The following CYSTM1 variants were observed in gnomAD, a reference collection of about 807,000 sequenced individuals.
CYSTM1 encodes cysteine-rich transmembrane module-containing protein 1.
CYSTM1 carries 4 observed loss-of-function variants against 13.1 expected under a neutral mutation model. The observed-to-expected ratio is 0.31, with a 90% CI of 0.15 to 0.70. The LOEUF is 0.70. Among genes scored for constraint, CYSTM1 ranks in the 30% least tolerant of loss-of-function variants. The probability of loss-of-function intolerance (pLI) is 0.72; values close to 1 mark genes in which losing one functional copy is unlikely to be tolerated. For missense variants in CYSTM1, 96 were observed against 121.6 expected, an observed-to-expected ratio of 0.79 and a Z score of 0.99; for synonymous variants, 36 against 42.7, an observed-to-expected ratio of 0.84 and a Z score of 0.62.
chr5:140,179,836 A>G (rs1561807279), intron 1 of CYSTM1, among the ~76,000 whole-genome samples: 1 of 151,164 alleles, frequency 6.6e-6, no homozygotes, highest in East Asian at 2.0e-4. Context: ...AATTTTTTGT[A>G]TTTTTTAGTA....
chr5:140,185,426 C>T (rs1764004125), intron 1 of CYSTM1, among the ~76,000 whole-genome samples: 1 of 152,136 alleles, frequency 6.6e-6, no homozygotes, highest in African/African-American at 2.4e-5. Context: ...CTCTGGCAAA[C>T]AAGAGATATT....
intron 2 of CYSTM1, among the ~76,000 whole-genome samples, chr5:140,235,116 G>A (rs906595329): frequency 2.0e-5 from 3 of 151,730 alleles, no homozygotes; most frequent in East Asian, 3.9e-4. Flanking sequence ...ACAGGCGCCC[G>A]CCACCACGCC....
Position 140,175,772 on chromosome 5 carries a change from T to C in CYSTM1, c.-21+487T>C, listed in dbSNP as rs143155474. 6.3e-4 allele frequency among the ~76,000 whole-genome samples: 96 copies of C among 152,156 alleles called. 1 individual carries two copies. The highest frequency in any genetic ancestry group is 3.7e-3 in the Admixed American group (56 of 15,300). On this transcript the variant is annotated intron_variant, in intron 1 of 2. Transcript: ENST00000261811. The surrounding 1 kb of genome is among the most constrained non-coding windows in gnomAD (Gnocchi z 4.9). Reference sequence around the variant, plus strand: ...GTGGGAGCGGAGCGGAAGTAACTAGTGACTGGAAGTAACTAGGGAACGCAA... The same window carrying C: ...GTGGGAGCGGAGCGGAAGTAACTAGCGACTGGAAGTAACTAGGGAACGCAA...
At chr5:140,226,494 TA>T (rs1561816342) in intron 2 of CYSTM1, among the ~76,000 whole-genome samples, 12 of 112,506 alleles carry the variant, frequency 1.1e-4, no homozygotes, top group East Asian at 2.3e-4. Context: ...TATATATATA[TA>T]ATATATATAA....
At chr5:140,223,606 G>A (rs62383941) in intron 2 of CYSTM1, among the ~76,000 whole-genome samples, 1 of 152,242 alleles carries the variant, frequency 6.6e-6, no homozygotes. Flanking sequence ...GAGGACAAAG[G>A]CGGGAGTTTG....
chr5:140,215,145 A>C (rs1334511284), intron 2 of CYSTM1, among the ~76,000 whole-genome samples: 1 of 152,194 alleles, frequency 6.6e-6, no homozygotes, highest in East Asian at 1.9e-4. Context: ...AAAGATTCTC[A>C]TAGATTTTCA....
chr5:140,198,161 C>T (rs1242612718), intron 2 of CYSTM1, among the ~76,000 whole-genome samples: 1 of 152,146 alleles, frequency 6.6e-6, no homozygotes, highest in African/African-American at 2.4e-5. Context: ...TTGGTGTTAG[C>T]TTTATGTAAT....
At chr5:140,227,658 G>T (rs554293107) in intron 2 of CYSTM1, among the ~76,000 whole-genome samples, 1 of 152,220 alleles carries the variant, frequency 6.6e-6, no homozygotes, top group African/African-American at 2.4e-5. Context: ...GGCCACTGGG[G>T]CTAGGAGCCC....
rs1400684153 is a variant in CYSTM1, at chr5:140,239,754, G to A, written c.188-3551G>A. Among the ~76,000 whole-genome samples the A allele has an allele frequency of 1.3e-5, 2 of 152,136 alleles. No homozygotes were observed. The highest frequency in any genetic ancestry group is 2.9e-5 in the Non-Finnish European group (2 of 68,026). ...GCTCTGGGTGCCTGCCCCTCTGCAGGCCCCACATCAGACTGGGGCTGAGAA... is the reference window on the plus strand; with the variant it reads ...GCTCTGGGTGCCTGCCCCTCTGCAGACCCCACATCAGACTGGGGCTGAGAA... On this transcript the variant is annotated intron_variant, in intron 2 of 2. Coordinates refer to ENST00000261811, the MANE Select transcript of CYSTM1 (RefSeq NM_032412.4). This position sits in a 1 kb window ranked among gnomAD's most constrained non-coding sequence, Gnocchi z 5.4.
chr5:140,187,069 T>C (rs573948613), intron 1 of CYSTM1, among the ~76,000 whole-genome samples: 2 of 152,178 alleles, frequency 1.3e-5, no homozygotes, highest in South Asian at 4.1e-4. Flanking sequence ...GAGGTTGTAG[T>C]GAGCCGAGAT....
chr5:140,243,370 ACGGCTCT>A lies in CYSTM1; in HGVS notation c.255_261del (p.Ala86ValfsTer27). ...ATCCACCTGCCTCACAGCCTGCTGG[ACGGCTCT>A]CTGTTGCTGCTGTCTCTGGGACATG... On this transcript the variant is annotated frameshift_variant, in exon 3 of 3. Coordinates refer to ENST00000261811, the MANE Select transcript of CYSTM1 (RefSeq NM_032412.4). LOFTEE classifies it high-confidence loss of function. 6.2e-7 allele frequency: 1 copy of A among 1,614,096 alleles called. No individual in the cohort carries two copies. The highest frequency in any genetic ancestry group is 8.5e-7 in the Non-Finnish European group (1 of 1,179,994).
intron 1 of CYSTM1, among the ~76,000 whole-genome samples, chr5:140,180,886 T>C (rs553861732): frequency 8.5e-5 from 13 of 152,334 alleles, no homozygotes; most frequent in Admixed American, 8.5e-4. Context: ...ATTTACTCAC[T>C]GAAGAGTAAA....
intron 2 of CYSTM1, among the ~76,000 whole-genome samples, chr5:140,217,275 A>G (rs890985276): frequency 2.6e-5 from 4 of 152,082 alleles, no homozygotes; most frequent in South Asian, 2.1e-4. Flanking sequence ...AATGTATATC[A>G]TGGGTAATTT....
At chr5:140,227,773 A>G (rs1561816637) in intron 2 of CYSTM1, among the ~76,000 whole-genome samples, 1 of 151,954 alleles carries the variant, frequency 6.6e-6, no homozygotes, top group Non-Finnish European at 1.5e-5. Context: ...GCTAGGCCCC[A>G]CCCTTCTGCC....
intron 2 of CYSTM1, among the ~76,000 whole-genome samples, chr5:140,210,296 A>C (rs1166792300): frequency 6.6e-6 from 1 of 152,266 alleles, no homozygotes; most frequent in African/African-American, 2.4e-5. Flanking sequence ...TGCTATTGAC[A>C]CTTGGGCCAG....
chr5:140,213,657 T>C (rs562307216), intron 2 of CYSTM1, among the ~76,000 whole-genome samples: 16 of 152,340 alleles, frequency 1.1e-4, no homozygotes, highest in South Asian at 6.2e-4. Context: ...TTATACCACA[T>C]TTTTACTGTA....
At position 140,243,423 on chromosome 5, in the gene CYSTM1, C is replaced by T. The variant is rs1274242606; in HGVS notation, c.*12C>T. ...ACATGCTCACCTGACCAGACCAGCC[C>T]AGCCGTCCTGTCCTGCCAGCTCTGC... is the stretch of plus-strand genomic sequence containing the variant. On this transcript the variant is annotated 3_prime_UTR_variant, in exon 3 of 3. Coordinates refer to ENST00000261811, the MANE Select transcript of CYSTM1 (RefSeq NM_032412.4). The T allele has an allele frequency of 6.2e-7, 1 of 1,612,636 alleles. No homozygotes were observed. The highest frequency in any genetic ancestry group is 8.5e-7 in the Non-Finnish European group (1 of 1,179,350).
intron 2 of CYSTM1, among the ~76,000 whole-genome samples, chr5:140,210,169 A>G (rs1173406229): frequency 6.6e-6 from 1 of 152,188 alleles, no homozygotes; most frequent in Non-Finnish European, 1.5e-5. Flanking sequence ...TTATACGCAC[A>G]TGTCATTTAT....
intron 2 of CYSTM1, chr5:140,200,592 A>C (rs1484112251): frequency 1.9e-5 from 2 of 105,008 alleles, no homozygotes; most frequent in African/African-American, 4.0e-5. Context: ...GCAGAGTCTC[A>C]CTCTGTCGCC....
Sources: gnomAD v4.1 joint callset for allele counts (sites outside exome capture counted in the v4.1 genomes callset) on GRCh38, gnomAD v4.1.1 for gene constraint, Gnocchi (gnomAD v3.1) non-coding constraint, MANE v1.5 for transcripts, NCBI Gene and HGNC (gene_info 2026-07-23, HGNC 2026-07-21) for gene names.